Variants in FBXO9 observed in about 807,000 individuals in gnomAD.
FBXO9 encodes F-box only protein 9.
In FBXO9, 43 loss-of-function variants were observed where a neutral mutation model predicts 63.7. That is an observed-to-expected ratio of 0.67 (90% CI 0.53 to 0.87). FBXO9 has a LOEUF of 0.87. FBXO9 is among the 40% of genes least tolerant of loss of function. FBXO9 has a pLI of 0.00. For synonymous variants in FBXO9, 156 were observed against 171.7 expected (o/e 0.91, Z 0.72); for missense variants, 442 against 533.2 (o/e 0.83, Z 1.68).
At chr6:53,078,388 G>A (rs1319274918) in intron 4 of FBXO9, among the ~76,000 whole-genome samples, 1 of 152,222 alleles carries the variant, frequency 6.6e-6, no homozygotes, top group Non-Finnish European at 1.5e-5. Context: ...GACCTGGGAG[G>A]TGGAGTCTGC....
chr6:53,077,201 G>A (rs562455186), intron 4 of FBXO9, among the ~76,000 whole-genome samples: 6 of 152,152 alleles, frequency 3.9e-5, no homozygotes, highest in East Asian at 1.9e-4. Context: ...ATGGCCGGGC[G>A]CGGTGGCTCA....
rs969013905 is a variant in FBXO9, at chr6:53,088,906, G to GT, written c.654-3516dup. Among the ~76,000 whole-genome samples the GT allele has an allele frequency of 8.0e-5, 12 of 149,956 alleles. No homozygotes were observed. In the South Asian group the frequency reaches 2.3e-3, roughly 29 times the overall value. ...TGAGCCACCGCACCTGGCCCTAGTG[G>GT]TTTTTTTCTTTCTTTCTTTGTTTTT... On this transcript the variant is annotated intron_variant, in intron 7 of 12. Coordinates refer to ENST00000323557, the MANE Select transcript of FBXO9 (RefSeq NM_033480.3).
intron 1 of FBXO9, among the ~76,000 whole-genome samples, chr6:53,068,229 T>G (rs192616843): frequency 6.6e-6 from 1 of 152,206 alleles, no homozygotes; most frequent in Non-Finnish European, 1.5e-5. Context: ...TTGCCACATT[T>G]CTTTACAGTA....
At position 53,093,445 on chromosome 6, in the gene FBXO9, CT is replaced by C. The variant is rs1763106222; in HGVS notation, c.864-19del. On this transcript the variant is annotated intron_variant, in intron 9 of 12. Transcript: ENST00000323557. The stretch of plus-strand genomic sequence containing the variant: ...CTTTGTGTGGGGGGTGTGTTTTGGT[CT>C]TCCTTTTCTTATTACATAGGTACAT... 6.3e-7 allele frequency: 1 copy of C among 1,578,696 alleles called. No homozygotes were observed. Among genetic ancestry groups the C allele is most frequent in the South Asian group, 1.1e-5 (1 of 90,028 alleles).
At position 53,065,716 on chromosome 6, in the gene FBXO9, A is replaced by G. The variant is rs1224261284; in HGVS notation, c.-74A>G. The stretch of plus-strand genomic sequence containing the variant: ...GGCAGGAGTAGACACCCGGACACCC[A>G]GCACCCCTCCTCCGGGGGGCGGTGC... On this transcript the variant is annotated 5_prime_UTR_variant, in exon 1 of 13. Coordinates refer to ENST00000323557, the MANE Select transcript of FBXO9 (RefSeq NM_033480.3). 1 of 1,424,676 alleles carries G rather than the reference A, an allele frequency of 7.0e-7. No individual in the cohort carries two copies. Among genetic ancestry groups the G allele is most frequent in the Non-Finnish European group, 9.2e-7 (1 of 1,087,414 alleles). 88.3% of individuals were successfully genotyped at this position (1,424,676 alleles called of 1,614,324 possible).
At position 53,098,105 on chromosome 6, in the gene FBXO9, A is replaced by T. The variant is rs1296753873; in HGVS notation, c.*275A>T. On this transcript the variant is annotated 3_prime_UTR_variant, in exon 13 of 13. Coordinates refer to ENST00000323557, the MANE Select transcript of FBXO9 (RefSeq NM_033480.3). ...TAAGTTGGAATTAAGTTGCTTAAGCATATTTATGTTGTGAGAAACCTTAAT... is the reference window on the plus strand; with the variant it reads ...TAAGTTGGAATTAAGTTGCTTAAGCTTATTTATGTTGTGAGAAACCTTAAT... 4 of 297,006 alleles carry T rather than the reference A, an allele frequency of 1.3e-5. No homozygotes were observed. The highest frequency in any genetic ancestry group is 1.1e-4 in the East Asian group (1 of 9,050). 18.4% of individuals were successfully genotyped at this position (297,006 alleles called of 1,614,324 possible). A position where few individuals can be genotyped will look rare whatever the true frequency, so the allele number is the denominator to read the frequency against.
At chr6:53,092,886 A>G (rs1763084832) in intron 9 of FBXO9, 62 bp downstream of exon 9, 9 of 1,144,052 alleles carry the variant, frequency 7.9e-6, no homozygotes, top group Middle Eastern at 2.0e-4. Flanking sequence ...AGTTAAATGG[A>G]CATCTGTTCT....
chr6:53,097,198 C>T (rs183594246), intron 12 of FBXO9, among the ~76,000 whole-genome samples: 37 of 152,088 alleles, frequency 2.4e-4, no homozygotes, highest in Admixed American at 7.9e-4. Context: ...ATTAAATAAT[C>T]AAATTATATT....
intron 11 of FBXO9, among the ~76,000 whole-genome samples, chr6:53,094,223 G>A (rs1763139194): frequency 6.6e-6 from 1 of 152,068 alleles, no homozygotes; most frequent in South Asian, 2.1e-4. Flanking sequence ...AAAATGTAAA[G>A]CTGAAATCTC....
chr6:53,093,994 G>A lies in FBXO9; in HGVS notation c.1053+16G>A, dbSNP rs1168137201. 5.4e-6 allele frequency: 8 copies of A among 1,478,014 alleles called. No homozygotes were observed. The highest frequency in any genetic ancestry group is 5.0e-5 in the East Asian group (2 of 40,184). The allele number at this position is 1,478,014 out of a possible 1,614,324, so 91.6% of individuals were successfully genotyped here. The stretch of plus-strand genomic sequence containing the variant: ...AAAAGAAGAAGTGAGTATACGAGGT[G>A]TAATTAATAGTTTTCTTATCTTAAT... On this transcript the variant is annotated intron_variant, in intron 11 of 12. Coordinates refer to ENST00000323557, the MANE Select transcript of FBXO9 (RefSeq NM_033480.3).
Position 53,100,165 on chromosome 6 carries a change from A to G in FBXO9, c.*2335A>G, listed in dbSNP as rs1171368919. 6.6e-6 allele frequency: 1 copy of G among 152,260 alleles called. No individual in the cohort carries two copies. Among genetic ancestry groups the G allele is most frequent in the Non-Finnish European group, 1.5e-5 (1 of 68,046 alleles). 9.4% of individuals were successfully genotyped at this position (152,260 alleles called of 1,614,324 possible). ...ATTTGTTGTGAGAAAATTAGAATATACAGATAAAATAAAATTTAAAAAAAC... is the reference window on the plus strand; with the variant it reads ...ATTTGTTGTGAGAAAATTAGAATATGCAGATAAAATAAAATTTAAAAAAAC... On this transcript the variant is annotated 3_prime_UTR_variant, in exon 13 of 13. Transcript: ENST00000323557.
intron 11 of FBXO9, 63 bp downstream of exon 11, chr6:53,094,041 T>C (rs1045334412): frequency 2.0e-6 from 2 of 1,013,210 alleles, no homozygotes; most frequent in Non-Finnish European, 2.8e-6. Flanking sequence ...CCAAGCAGTC[T>C]CGATTAGAAC....
Position 53,093,927 on chromosome 6 carries a change from CACAG to C in FBXO9, c.1006_1009del (p.Asp336IlefsTer8), listed in dbSNP as rs1763125916. 6.4e-7 allele frequency: 1 copy of C among 1,553,712 alleles called. No homozygotes were observed. The highest frequency in any genetic ancestry group is 1.4e-5 in the African/African-American group (1 of 72,906). ...TGGGTCACTATCGCTTGTCACAAGA[CACAG>C]ACAATCAGACCAAAGTATTTGCTGT... On this transcript the variant is annotated frameshift_variant, in exon 11 of 13. Coordinates refer to ENST00000323557, the MANE Select transcript of FBXO9 (RefSeq NM_033480.3). LOFTEE classifies it high-confidence loss of function.
In FBXO9 at chr6:53,065,767, G is replaced by A. The variant is rs758224237; in HGVS notation, c.-23G>A. The A allele has an allele frequency of 6.4e-6, 9 of 1,401,040 alleles. No homozygotes were observed. In the South Asian group the frequency reaches 8.9e-5, roughly 14 times the overall value. 86.8% of individuals were successfully genotyped at this position (1,401,040 alleles called of 1,614,324 possible). Reference sequence around the variant, plus strand: ...AGAGGGGGCACGGAGAGCCCCTCGAGCGCAGCAGGCCGCCCCGCCAGCATG... The same window carrying A: ...AGAGGGGGCACGGAGAGCCCCTCGAACGCAGCAGGCCGCCCCGCCAGCATG... On this transcript the variant is annotated 5_prime_UTR_variant, in exon 1 of 13. Transcript: ENST00000323557.
chr6:53,097,660 A>G, intron 12 of FBXO9, 62 bp from the exon 13 acceptor site: 1 of 978,724 alleles, frequency 1.0e-6, no homozygotes, highest in Non-Finnish European at 1.5e-6. Context: ...CCCCAAACAC[A>G]CAAGGATTTT....
intron 7 of FBXO9, 69 bp from the exon 8 acceptor site, chr6:53,092,360 G>A: frequency 1.7e-6 from 2 of 1,163,714 alleles, no homozygotes; most frequent in Non-Finnish European, 2.6e-6. Context: ...AAAGATGGCT[G>A]ATAGCAAAAA....
At chr6:53,094,289 G>A (rs1333018119) in intron 11 of FBXO9, among the ~76,000 whole-genome samples, 3 of 152,000 alleles carry the variant, frequency 2.0e-5, no homozygotes, top group Non-Finnish European at 4.4e-5. Flanking sequence ...TGCTCATGTC[G>A]AATCACAGGG....
intron 11 of FBXO9, chr6:53,094,822 G>A (rs1191972413): frequency 2.4e-6 from 1 of 419,800 alleles, no homozygotes; most frequent in Admixed American, 2.8e-5. Flanking sequence ...TGCTTTGACT[G>A]TGACTGCAGG....
Position 53,065,741 on chromosome 6 carries a change from C to A in FBXO9, c.-49C>A. On this transcript the variant is annotated 5_prime_UTR_variant, in exon 1 of 13. Coordinates refer to ENST00000323557, the MANE Select transcript of FBXO9 (RefSeq NM_033480.3). ...AGCACCCCTCCTCCGGGGGGCGGTGCAGAGGGGGCACGGAGAGCCCCTCGA... is the reference window on the plus strand; with the variant it reads ...AGCACCCCTCCTCCGGGGGGCGGTGAAGAGGGGGCACGGAGAGCCCCTCGA... The A allele has an allele frequency of 7.0e-7, 1 of 1,423,286 alleles. No individual in the cohort carries two copies. The highest frequency in any genetic ancestry group is 9.2e-7 in the Non-Finnish European group (1 of 1,088,372). 88.2% of individuals were successfully genotyped at this position (1,423,286 alleles called of 1,614,324 possible). A position where few individuals can be genotyped will look rare whatever the true frequency, so the allele number is the denominator to read the frequency against.
Sources: allele counts gnomAD v4.1 joint callset (sites outside exome capture counted in the v4.1 genomes callset), GRCh38; gene constraint gnomAD v4.1.1; transcripts MANE v1.5; gene names NCBI Gene and HGNC (gene_info 2026-07-23, HGNC 2026-07-21).